SMG6: variants seen among roughly 807,000 people sequenced by gnomAD.
SMG6 encodes SMG6 nonsense mediated mRNA decay factor.
Under a neutral mutation model 142.2 loss-of-function variants are expected in SMG6, and 66 were observed. That is an observed-to-expected ratio of 0.46 (90% confidence interval 0.38 to 0.57). SMG6 has a LOEUF of 0.57. Ranked by LOEUF, SMG6 falls within the 20% of genes least tolerant of loss-of-function variation. The pLI, the probability that SMG6 is intolerant of heterozygous loss-of-function variation, is 0.00. For missense variants in SMG6, 1,793 were observed against 1,832.0 expected (o/e 0.98, Z 0.39); for synonymous variants, 779 against 702.4 (o/e 1.11, Z -1.72).
At chr17:2,136,648 C>A (rs540684690) in intron 13 of SMG6, among the ~76,000 whole-genome samples, 14 of 152,040 alleles carry the variant, frequency 9.2e-5, no homozygotes, top group African/African-American at 2.9e-4. Flanking sequence ...ACTGAATACA[C>A]CAAAATAGCT....
intron 8 of SMG6, among the ~76,000 whole-genome samples, chr17:2,278,822 C>G (rs996309407): frequency 6.6e-6 from 1 of 152,062 alleles, no homozygotes; most frequent in Non-Finnish European, 1.5e-5. Flanking sequence ...CAACACAACT[C>G]CAAAAAAATT....
Position 2,172,753 on chromosome 17 carries a change from G to C in SMG6, c.3262C>G (p.Leu1088Val). The C allele has an allele frequency of 1.2e-6, 2 of 1,614,164 alleles. No homozygotes were observed. Among genetic ancestry groups the C allele is most frequent in the Non-Finnish European group, 1.7e-6 (2 of 1,180,034 alleles). The change falls in exon 13 of 19, where the codon CTT becomes GTT. Residue 1088 changes from leucine (L) to valine (V), a missense_variant. Around this residue, in one of 3 missense-constraint regions of SMG6, gnomAD observed 1,597 missense variants for 1,584.6 expected, o/e 1.01. Transcript: ENST00000263073. ...AGCCGATCCTCTTCCAGGATAAGAA[G>C]GGTGAGGTCATCATCCGGGTCCTTG... ...LYKDPDDDLT[L>V]LILEEDRLLS...
chr17:2,091,065 A>G (rs1046704828), intron 13 of SMG6, among the ~76,000 whole-genome samples: 7 of 152,204 alleles, frequency 4.6e-5, no homozygotes, highest in Non-Finnish European at 7.3e-5. Context: ...AACTCAGACT[A>G]ATGTGTTTTC....
chr17:2,299,863 G>C lies in SMG6; in HGVS notation c.890C>G (p.Ser297Cys). 1 of 1,614,136 alleles carries C rather than the reference G, an allele frequency of 6.2e-7. No homozygotes were observed. Among genetic ancestry groups the C allele is most frequent in the Non-Finnish European group, 8.5e-7 (1 of 1,179,972 alleles). ...KERPRLKKQV[S>C]VSSTDSLDED... The stretch of plus-strand genomic sequence containing the variant: ...GTCTAAGGAATCGGTTGAGGACACA[G>C]ACACTTGCTTCTTCAGTCGTGGCCT... Residue 297 changes from serine (S) to cysteine (C), a missense_variant, in exon 2 of 19, where the codon TCT (serine) becomes TGT (cysteine). Transcript: ENST00000263073. This position sits in a 1 kb window ranked among gnomAD's most constrained non-coding sequence, Gnocchi z 4.3.
At position 2,188,532 on chromosome 17, in the gene SMG6, G is replaced by C. The variant is rs940346741; in HGVS notation, c.2870-17C>G. 1 of 1,607,818 alleles carries C rather than the reference G, an allele frequency of 6.2e-7. No homozygotes were observed. On this transcript the variant is annotated splice_polypyrimidine_tract_variant and intron_variant, in intron 10 of 18. Transcript: ENST00000263073. Reference sequence around the variant, plus strand: ...AGAAGCAGTCTGCGGACAGGCAAATGAAACTCTCAGCGCCCCAGGCGGACA... The same window carrying C: ...AGAAGCAGTCTGCGGACAGGCAAATCAAACTCTCAGCGCCCCAGGCGGACA...
At chr17:2,164,367 G>A (rs1161281936) in intron 13 of SMG6, among the ~76,000 whole-genome samples, 2 of 151,952 alleles carry the variant, frequency 1.3e-5, no homozygotes, top group East Asian at 3.9e-4. Flanking sequence ...AGGTTGCAGT[G>A]AGCCAAGATC....
chr17:2,148,417 T>A (rs997592313), intron 13 of SMG6, among the ~76,000 whole-genome samples: 13 of 152,158 alleles, frequency 8.5e-5, no homozygotes, highest in Non-Finnish European at 1.6e-4. Context: ...TACAACAGAA[T>A]ATTATTCAGC....
At chr17:2,214,071 A>G (rs1297825870) in intron 10 of SMG6, 1 of 152,396 alleles carries the variant, frequency 6.6e-6, no homozygotes, top group Non-Finnish European at 1.5e-5. Context: ...TAGAGTCACT[A>G]GCAGGAACAT....
intron 13 of SMG6, among the ~76,000 whole-genome samples, chr17:2,136,433 T>G (rs1257337934): frequency 6.6e-6 from 1 of 152,202 alleles, no homozygotes; most frequent in Non-Finnish European, 1.5e-5. Context: ...ATGGCATTTC[T>G]TCATTTCTAT....
Position 2,087,611 on chromosome 17 carries a change from G to A in SMG6, c.3358-1710C>T, listed in dbSNP as rs996143415. 1.1e-5 allele frequency: 11 copies of A among 997,882 alleles called. No individual in the cohort carries two copies. The African/African-American group carries it at 1.7e-4, about 16-fold the overall frequency. 61.8% of individuals were successfully genotyped at this position (997,882 alleles called of 1,614,324 possible). ...CTTGAGCTTGGGGTGCCTGGTCCTG[G>A]GCTTGCCTCCGTGAAGGAGAAGGGA... On this transcript the variant is annotated intron_variant, in intron 13 of 18. Transcript: ENST00000263073.
chr17:2,266,648 T>G (rs1215245989), intron 8 of SMG6, among the ~76,000 whole-genome samples: 1 of 152,168 alleles, frequency 6.6e-6, no homozygotes, highest in Non-Finnish European at 1.5e-5. Flanking sequence ...CCCAGAGAAC[T>G]CTGCTCTGTT....
chr17:2,097,167 T>C (rs1412644050), intron 13 of SMG6, among the ~76,000 whole-genome samples: 3 of 152,080 alleles, frequency 2.0e-5, no homozygotes, highest in African/African-American at 7.2e-5. Context: ...TTTCTTTTTT[T>C]TTTTTAGACA....
intron 10 of SMG6, among the ~76,000 whole-genome samples, chr17:2,203,988 G>A (rs1353635530): frequency 1.3e-5 from 2 of 151,956 alleles, no homozygotes; most frequent in Non-Finnish European, 2.9e-5. Flanking sequence ...TTAAGAGATG[G>A]GGTCTTGCTC....
At chr17:2,199,838 G>T (rs943819963) in intron 10 of SMG6, 1 of 151,478 alleles carries the variant, frequency 6.6e-6, no homozygotes, top group African/African-American at 2.4e-5. Context: ...AACCCGGGAG[G>T]CGGGGTTGCA....
intron 8 of SMG6, among the ~76,000 whole-genome samples, chr17:2,261,036 G>C (rs997190455): frequency 6.6e-6 from 1 of 151,866 alleles, no homozygotes; most frequent in Non-Finnish European, 1.5e-5. Flanking sequence ...GTCGGGCGCG[G>C]TGGCTCACGC....
Position 2,299,951 on chromosome 17 carries a change from C to T in SMG6, c.802G>A (p.Ala268Thr), listed in dbSNP as rs778554932. The T allele has an allele frequency of 7.0e-5, 113 of 1,613,988 alleles. No individual in the cohort carries two copies. Among genetic ancestry groups the T allele is most frequent in the Non-Finnish European group, 8.8e-5 (104 of 1,180,036 alleles). Reference protein sequence around the residue: ...STSSAGSNNSAEGAGLTDNGC... With the variant: ...STSSAGSNNSTEGAGLTDNGC... ...TTATCCGTCAGGCCAGCTCCCTCAG[C>T]GCTGTTGTTGCTGCCAGCTGAGCTG... is the stretch of plus-strand genomic sequence containing the variant. Residue 268 changes from alanine to threonine, a missense_variant, in exon 2 of 19, where the codon GCT (alanine) becomes ACT (threonine). Around this residue, in one of 3 missense-constraint regions of SMG6, gnomAD observed 1,597 missense variants for 1,584.6 expected, o/e 1.01. Transcript: ENST00000263073. This position sits in a 1 kb window ranked among gnomAD's most constrained non-coding sequence, Gnocchi z 4.3.
intron 13 of SMG6, among the ~76,000 whole-genome samples, chr17:2,153,319 A>G (rs1413510748): frequency 6.6e-6 from 1 of 152,224 alleles, no homozygotes; most frequent in Non-Finnish European, 1.5e-5. Flanking sequence ...CATTCTGGAA[A>G]AAGCTAAGTT....
chr17:2,138,033 TA>T (rs1311952583), intron 13 of SMG6, among the ~76,000 whole-genome samples: 4 of 152,104 alleles, frequency 2.6e-5, no homozygotes, highest in Non-Finnish European at 5.9e-5. Context: ...TGTGTAGTCT[TA>T]AAGGCAGATG....
At chr17:2,302,616 A>C (rs1225216726) in intron 1 of SMG6, among the ~76,000 whole-genome samples, 1 of 152,250 alleles carries the variant, frequency 6.6e-6, no homozygotes, top group Non-Finnish European at 1.5e-5. Flanking sequence ...AAACAAGCCC[A>C]AAACAGGAAT....
Sources: allele counts gnomAD v4.1 joint callset (sites outside exome capture counted in the v4.1 genomes callset), GRCh38; gene constraint gnomAD v4.1.1; regional missense constraint gnomAD v4.1.1; non-coding constraint Gnocchi (gnomAD v3.1); transcripts MANE v1.5; gene names NCBI Gene and HGNC (gene_info 2026-07-23, HGNC 2026-07-21).